CELSR1: variants seen among roughly 807,000 people sequenced by gnomAD.
The protein encoded by CELSR1 is cadherin EGF LAG seven-pass G-type receptor 1.
CELSR1 carries 110 observed loss-of-function variants against 249.1 expected under a neutral mutation model. The ratio of observed to expected loss-of-function variants is 0.44; its 90% CI spans 0.38 to 0.52. The LOEUF (loss-of-function observed/expected upper bound fraction) is 0.52, where lower values mean the gene tolerates loss of function less well. Among genes scored for constraint, CELSR1 ranks in the 20% least tolerant of loss-of-function variants. The probability of loss-of-function intolerance (pLI) is 0.00; values close to 1 mark genes in which losing one functional copy is unlikely to be tolerated. For missense variants in CELSR1, 4,109 were observed against 4,296.4 expected (o/e 0.96, Z 1.22); for synonymous variants, 2,113 against 1,900.0 (o/e 1.11, Z -2.92).
At position 46,423,591 on chromosome 22, in the gene CELSR1, G is replaced by A. The variant is rs150907261; in HGVS notation, c.4611+9802C>T. ...TTACACTCCAGCCTGGGCAACAGGA[G>A]CGAAACTTCGTCTCAGAAAAAAAAA... On this transcript the variant is annotated intron_variant, in intron 5 of 34. Coordinates refer to ENST00000674500, the MANE Select transcript of CELSR1 (RefSeq NM_001378328.1). The surrounding 1 kb of genome is among the most constrained non-coding windows in gnomAD (Gnocchi z 5.6). Among the ~76,000 whole-genome samples the A allele has an allele frequency of 1.2e-3, 166 of 139,346 alleles. 2 individuals are homozygous for A. In the East Asian group the frequency reaches 0.017, roughly 14 times the overall value. 91.4% of individuals were successfully genotyped at this position (139,346 alleles called of 152,430 possible).
At position 46,490,178 on chromosome 22, in the gene CELSR1, A is replaced by G. The variant is rs543244146; in HGVS notation, c.3545-25833T>C. 3.9e-5 allele frequency among the ~76,000 whole-genome samples: 6 copies of G among 152,250 alleles called. No individual in the cohort carries two copies. The highest frequency in any genetic ancestry group is 7.3e-5 in the Non-Finnish European group (5 of 68,050). On this transcript the variant is annotated intron_variant, in intron 1 of 34. Coordinates refer to ENST00000674500, the MANE Select transcript of CELSR1 (RefSeq NM_001378328.1). This position sits in a 1 kb window ranked among gnomAD's most constrained non-coding sequence, Gnocchi z 5.2. ...GCATGGGTCCTGCTCTCCTCCAGCCATAAGACACACTCAGACACACAGGGT... is the reference window on the plus strand; with the variant it reads ...GCATGGGTCCTGCTCTCCTCCAGCCGTAAGACACACTCAGACACACAGGGT...
Position 46,436,087 on chromosome 22 carries a change from G to A in CELSR1, c.4522+87C>T. 1 of 962,322 alleles carries A rather than the reference G, an allele frequency of 1.0e-6. No homozygotes were observed. The highest frequency in any genetic ancestry group is 1.6e-6 in the Non-Finnish European group (1 of 616,854). The allele number at this position is 962,322 out of a possible 1,614,324, so 59.6% of individuals were successfully genotyped here. On this transcript the variant is annotated intron_variant, in intron 4 of 34. Coordinates refer to ENST00000674500, the MANE Select transcript of CELSR1 (RefSeq NM_001378328.1). The surrounding 1 kb of genome is among the most constrained non-coding windows in gnomAD (Gnocchi z 5.9). ...GAGGGATGAAAGGGTAAGCAGCTTGGAGGCGCTGCACAGGGCGAGGGTCGT... is the reference window on the plus strand; with the variant it reads ...GAGGGATGAAAGGGTAAGCAGCTTGAAGGCGCTGCACAGGGCGAGGGTCGT...
chr22:46,385,879 AT>A (rs1338030723), intron 19 of CELSR1, among the ~76,000 whole-genome samples: 2 of 151,054 alleles, frequency 1.3e-5, no homozygotes, highest in African/African-American at 4.9e-5. Flanking sequence ...GGGTTTCACC[AT>A]GTTAGCCAGG....
Position 46,372,959 on chromosome 22 carries a change from G to C in CELSR1, c.7683C>G (p.Thr2561=), listed in dbSNP as rs763635949. The part of the protein sequence containing the change: ...VESLHVYRML[T]EVRNIDTGPM... ...GCCCCGTGTCGATGTTGCGCACCTC[G>C]GTCAGCATGCGGTAGACATGCAGGC... The change falls in exon 25 of 35, where the codon ACC becomes ACG. Residue 2561 remains threonine (T), a synonymous_variant. Transcript: ENST00000674500. 4.3e-6 allele frequency: 7 copies of C among 1,613,370 alleles called. No individual in the cohort carries two copies. In the East Asian group the frequency reaches 1.1e-4, roughly 26 times the overall value.
rs773715845 is a variant in CELSR1, at chr22:46,535,425, G to A, written c.1746C>T (p.Tyr582=). The A allele has an allele frequency of 6.2e-7, 1 of 1,608,196 alleles. No individual in the cohort carries two copies. The highest frequency in any genetic ancestry group is 1.1e-5 in the South Asian group (1 of 90,258). ...CCACCGCCTGAATGTGCACCACGGGGTAGCCCAGGGGCACATTCTCCAGCA... is the reference window on the plus strand; with the variant it reads ...CCACCGCCTGAATGTGCACCACGGGATAGCCCAGGGGCACATTCTCCAGCA... ...ATVLENVPLG[Y]PVVHIQAVDA... is the part of the protein sequence containing the mutation. The change falls in exon 1 of 35, where the codon TAC becomes TAT. Residue 582 remains tyrosine, a synonymous_variant. Coordinates refer to ENST00000674500, the MANE Select transcript of CELSR1 (RefSeq NM_001378328.1).
Position 46,410,654 on chromosome 22 carries a change from C to T in CELSR1, c.4770-93G>A. 7.7e-7 allele frequency: 1 copy of T among 1,303,236 alleles called. No homozygotes were observed. Among genetic ancestry groups the T allele is most frequent in the Admixed American group, 2.0e-5 (1 of 49,092 alleles). 80.7% of individuals were successfully genotyped at this position (1,303,236 alleles called of 1,614,324 possible). ...GCAGTTGCCTCTGTGTAGCCTCTAC[C>T]ACCATAACTACTTCAGAAACCAAGC... On this transcript the variant is annotated intron_variant, in intron 6 of 34. Transcript: ENST00000674500. The surrounding 1 kb of genome is among the most constrained non-coding windows in gnomAD (Gnocchi z 6.8).
At chr22:46,469,977 G>A in intron 1 of CELSR1, among the ~76,000 whole-genome samples, 1 of 149,480 alleles carries the variant, frequency 6.7e-6, no homozygotes, top group Non-Finnish European at 1.5e-5. Flanking sequence ...GGGAGGGAGG[G>A]AGGAGGAGGG....
intron 24 of CELSR1, among the ~76,000 whole-genome samples, chr22:46,376,288 C>G (rs1440020126): frequency 6.6e-6 from 1 of 152,214 alleles, no homozygotes; most frequent in East Asian, 1.9e-4. Flanking sequence ...CCTTGCATTC[C>G]TAAGATAAAC....
intron 5 of CELSR1, among the ~76,000 whole-genome samples, chr22:46,432,225 G>A (rs1003641057): frequency 4.6e-5 from 7 of 152,200 alleles, no homozygotes; most frequent in African/African-American, 1.2e-4. Flanking sequence ...GAGGGACGCC[G>A]GTGGCCAGCA....
chr22:46,480,463 T>C (rs1344093992), intron 1 of CELSR1, among the ~76,000 whole-genome samples: 1 of 152,212 alleles, frequency 6.6e-6, no homozygotes, highest in Admixed American at 6.5e-5. Flanking sequence ...CAATTCCACA[T>C]CTTAAAATCA....
chr22:46,456,938 G>A (rs2079961883), intron 2 of CELSR1, among the ~76,000 whole-genome samples: 1 of 152,010 alleles, frequency 6.6e-6, no homozygotes, highest in Admixed American at 6.5e-5. Context: ...TATTGTCCCA[G>A]CCTAGGGAGT....
At position 46,392,394 on chromosome 22, in the gene CELSR1, G is replaced by A. The variant is rs1009781575; in HGVS notation, c.5965-578C>T. ...ACCAGGCTGTGACTTGGGCAGACTC[G>A]TGAGCAACGTTCAGACCTGTGTGTC... is the stretch of plus-strand genomic sequence containing the variant. On this transcript the variant is annotated intron_variant, in intron 14 of 34. Coordinates refer to ENST00000674500, the MANE Select transcript of CELSR1 (RefSeq NM_001378328.1). 2.6e-5 allele frequency among the ~76,000 whole-genome samples: 4 copies of A among 152,050 alleles called. No individual in the cohort carries two copies. The South Asian group carries it at 6.2e-4, about 24-fold the overall frequency.
intron 9 of CELSR1, among the ~76,000 whole-genome samples, chr22:46,400,682 T>TGG (rs1385174566): frequency 6.6e-6 from 1 of 152,204 alleles, no homozygotes; most frequent in Non-Finnish European, 1.5e-5. Flanking sequence ...CTGGGCGTGG[T>TGG]GGCTCACACC....
At position 46,430,166 on chromosome 22, in the gene CELSR1, C is replaced by T. The variant is rs1244257039; in HGVS notation, c.4611+3227G>A. On this transcript the variant is annotated intron_variant, in intron 5 of 34. Coordinates refer to ENST00000674500, the MANE Select transcript of CELSR1 (RefSeq NM_001378328.1). This position sits in a 1 kb window ranked among gnomAD's most constrained non-coding sequence, Gnocchi z 4.6. ...GTGGCCCACACCTCAGAGACACAGC[C>T]ACTCTGGAGGGCGGGGGACAGAGAA... Among the ~76,000 whole-genome samples, 3 of 152,212 alleles carry T rather than the reference C, an allele frequency of 2.0e-5. No homozygotes were observed. The highest frequency in any genetic ancestry group is 1.3e-4 in the Admixed American group (2 of 15,288).
In CELSR1 at chr22:46,533,545, C is replaced by A; in HGVS notation, c.3544+82G>T. 2.0e-6 allele frequency: 3 copies of A among 1,493,216 alleles called. No homozygotes were observed. The South Asian group carries it at 4.0e-5, about 20-fold the overall frequency. 92.5% of individuals were successfully genotyped at this position (1,493,216 alleles called of 1,614,324 possible). ...CCCGGCCCAATTGCGCCCCGGCATG[C>A]CAGGCGGAGCCCTTGGCGGGTTCCT... is the stretch of plus-strand genomic sequence containing the variant. On this transcript the variant is annotated intron_variant, in intron 1 of 34. Coordinates refer to ENST00000674500, the MANE Select transcript of CELSR1 (RefSeq NM_001378328.1).
chr22:46,399,756 C>T lies in CELSR1; in HGVS notation c.5373G>A (p.Lys1791=), dbSNP rs2079190870. The change falls in exon 10 of 35, where the codon AAG becomes AAA. Residue 1791 remains lysine, a synonymous_variant. Transcript: ENST00000674500. The surrounding 1 kb of genome is among the most constrained non-coding windows in gnomAD (Gnocchi z 5.0). ...AGTCCAAGGTCATGGTGACCAGGTG[C>T]TTCATCTCACTGTCCTCCTTAACAT... is the stretch of plus-strand genomic sequence containing the variant. ...LKNVKEDSEM[K]HLVTMTLDYG... The T allele has an allele frequency of 3.7e-6, 6 of 1,614,066 alleles. No homozygotes were observed. The highest frequency in any genetic ancestry group is 5.1e-6 in the Non-Finnish European group (6 of 1,179,960).
At chr22:46,528,357 A>G (rs5767244) in intron 1 of CELSR1, among the ~76,000 whole-genome samples, 102,309 of 152,048 alleles carry the variant, frequency 0.67, 35,621 homozygotes, top group African/African-American at 0.86. Flanking sequence ...CTGTTATTTC[A>G]CCGAGTTTCA....
In CELSR1 at chr22:46,535,554, C is replaced by T. The variant is rs772446854; in HGVS notation, c.1617G>A (p.Gly539=). ...AAGAATTGATGAGCGGGGGCCGGCC[C>T]CCATCCTGGGCCTTAATGCTCAGCG... ...KYSLSIKAQD[G]GRPPLINSSG... Residue 539 remains glycine, a synonymous_variant, in exon 1 of 35, where the codon GGG becomes GGA. Coordinates refer to ENST00000674500, the MANE Select transcript of CELSR1 (RefSeq NM_001378328.1). 1 of 1,613,316 alleles carries T rather than the reference C, an allele frequency of 6.2e-7. No homozygotes were observed. The highest frequency in any genetic ancestry group is 1.7e-5 in the Admixed American group (1 of 60,026).
At chr22:46,444,897 C>T (rs891135416) in intron 2 of CELSR1, among the ~76,000 whole-genome samples, 3 of 152,222 alleles carry the variant, frequency 2.0e-5, no homozygotes, top group African/African-American at 7.2e-5. Context: ...TCAAATCTCC[C>T]TCTCCTTCCT....
Sources: allele counts gnomAD v4.1 joint callset (sites outside exome capture counted in the v4.1 genomes callset), GRCh38; gene constraint gnomAD v4.1.1; non-coding constraint Gnocchi (gnomAD v3.1); transcripts MANE v1.5; gene names NCBI Gene and HGNC (gene_info 2026-07-23, HGNC 2026-07-21).